Variants in SMARCA5 observed in about 807,000 individuals in gnomAD.
The protein encoded by SMARCA5 is SWI/SNF-related matrix-associated actin-dependent regulator of chromatin subfamily A member 5.
Under a neutral mutation model 140.4 loss-of-function variants are expected in SMARCA5, and 18 were observed. That is an observed-to-expected ratio of 0.13 (90% CI 0.09 to 0.19). The LOEUF (loss-of-function observed/expected upper bound fraction) is 0.19. Among genes scored for constraint, SMARCA5 ranks in the 10% least tolerant of loss-of-function variants. The probability of loss-of-function intolerance (pLI) is 1.00; values close to 1 mark genes in which losing one functional copy is unlikely to be tolerated. For synonymous variants in SMARCA5, 449 were observed against 419.6 expected, an observed-to-expected ratio of 1.07 and a Z score of -0.86; for missense variants, 606 against 1,276.8, an observed-to-expected ratio of 0.47 and a Z score of 8.01.
At position 143,519,695 on chromosome 4, in the gene SMARCA5, C is replaced by T. The variant is rs77739200; in HGVS notation, c.253-1734C>T. ...ACCATAGATAAGTTCACTATCCACT[C>T]CTCGTTCTTGAACCCAGAATGCTGA... On this transcript the variant is annotated intron_variant, in intron 2 of 23. Coordinates refer to ENST00000283131, the MANE Select transcript of SMARCA5 (RefSeq NM_003601.4). Among the ~76,000 whole-genome samples, 1,398 of 152,244 alleles carry T rather than the reference C, an allele frequency of 9.2e-3. 5 individuals carry two copies. Among genetic ancestry groups the T allele is most frequent in the Non-Finnish European group, 0.014 (979 of 67,988 alleles).
chr4:143,553,005 C>A (rs1389437283), intron 23 of SMARCA5, 114 bp from the exon 24 acceptor site: 1 of 750,210 alleles, frequency 1.3e-6, no homozygotes, highest in Non-Finnish European at 2.3e-6. Context: ...GGGGAAAAGT[C>A]TCATACCTAT....
In SMARCA5 at chr4:143,526,479, A is replaced by G; in HGVS notation, c.801+19A>G. 2 of 1,541,476 alleles carry G rather than the reference A, an allele frequency of 1.3e-6. No individual in the cohort carries two copies. The highest frequency in any genetic ancestry group is 1.8e-6 in the Non-Finnish European group (2 of 1,122,238). On this transcript the variant is annotated intron_variant, in intron 6 of 23. Coordinates refer to ENST00000283131, the MANE Select transcript of SMARCA5 (RefSeq NM_003601.4). ...ACAAAGAGTAAGTTTCTAGTATTTC[A>G]TTACATTTTTGAGGCTAAAATAATT...
At position 143,555,513 on chromosome 4, in the gene SMARCA5, C is replaced by T; in HGVS notation, c.*2329C>T. The T allele has an allele frequency of 2.3e-6, 1 of 436,290 alleles. No individual in the cohort carries two copies. The highest frequency in any genetic ancestry group is 2.3e-5 in the South Asian group (1 of 42,998). 27.0% of individuals were successfully genotyped at this position (436,290 alleles called of 1,614,324 possible). A position where few individuals can be genotyped will look rare whatever the true frequency, so the allele number is the denominator to read the frequency against. ...CAGTGTAGATTGTTTTGTTTTGTAC[C>T]CATGCTGTTGATTGCTAAATGTTTT... On this transcript the variant is annotated 3_prime_UTR_variant, in exon 24 of 24. Coordinates refer to ENST00000283131, the MANE Select transcript of SMARCA5 (RefSeq NM_003601.4).
rs1737778146 is a variant in SMARCA5, at chr4:143,557,224, C to T, written c.*4040C>T. On this transcript the variant is annotated 3_prime_UTR_variant, in exon 24 of 24. Transcript: ENST00000283131. The stretch of plus-strand genomic sequence containing the variant: ...GACACCAATATTTAATGTTGCATAT[C>T]ATGTATCTCCAGTACAAGAAGAAAG... 6.6e-6 allele frequency: 1 copy of T among 152,164 alleles called. No homozygotes were observed. The highest frequency in any genetic ancestry group is 2.1e-4 in the South Asian group (1 of 4,824). The allele number at this position is 152,164 out of a possible 1,614,324, so 9.4% of individuals were successfully genotyped here.
At chr4:143,536,727 G>T in intron 11 of SMARCA5, 49 bp downstream of exon 11, 5 of 1,311,642 alleles carry the variant, frequency 3.8e-6, no homozygotes, top group African/African-American at 1.5e-5. Context: ...AAATGCTCAT[G>T]TTAAAACAAA....
At chr4:143,516,560 A>G (rs1028451400) in intron 1 of SMARCA5, among the ~76,000 whole-genome samples, 1 of 152,208 alleles carries the variant, frequency 6.6e-6, no homozygotes, top group Non-Finnish European at 1.5e-5. Flanking sequence ...GGGTCACACA[A>G]GTGCCAAGGG....
chr4:143,527,901 G>C lies in SMARCA5; in HGVS notation c.835G>C (p.Glu279Gln), dbSNP rs1208741601. ...TGTCAGAGACGTTTTATTACCGGGA[G>C]AATGGGATGTATGTGTAACATCTTA... ...AFVRDVLLPGEWDVCVTSYEM... is the reference protein window; with the variant it reads ...AFVRDVLLPGQWDVCVTSYEM... Residue 279 changes from glutamate (E) to glutamine (Q), a missense_variant, in exon 7 of 24, where the codon GAA (glutamate) becomes CAA (glutamine). Physicochemically the swap from Glu to Gln is conservative, Grantham distance 29 (BLOSUM62 2). This residue lies in a region of SMARCA5 where 110 missense variants were observed against 287.7 expected (regional missense o/e 0.38). Coordinates refer to ENST00000283131, the MANE Select transcript of SMARCA5 (RefSeq NM_003601.4). 1 of 1,593,368 alleles carries C rather than the reference G, an allele frequency of 6.3e-7. No homozygotes were observed. Among genetic ancestry groups the C allele is most frequent in the Non-Finnish European group, 8.5e-7 (1 of 1,174,972 alleles).
In SMARCA5 at chr4:143,527,466, T is replaced by C. The variant is rs539581895; in HGVS notation, c.802-402T>C. ...AATAATACTATTAGGAATGTGTTAA[T>C]ACATTTATAAACCTGAAAGGAATGC... On this transcript the variant is annotated intron_variant, in intron 6 of 23. Coordinates refer to ENST00000283131, the MANE Select transcript of SMARCA5 (RefSeq NM_003601.4). Among the ~76,000 whole-genome samples the C allele has an allele frequency of 2.6e-5, 4 of 152,344 alleles. No individual in the cohort carries two copies. The East Asian group carries it at 5.8e-4, about 22-fold the overall frequency.
rs750888422 is a variant in SMARCA5 at position 143,544,794 on chromosome 4, G to A, written c.2230G>A (p.Val744Ile). The A allele has an allele frequency of 3.1e-6, 5 of 1,613,190 alleles. No individual in the cohort carries two copies. The highest frequency in any genetic ancestry group is 1.7e-5 in the Admixed American group (1 of 59,966). Residue 744 changes from valine (V) to isoleucine (I), a missense_variant, in exon 17 of 24, where the codon GTT (valine) becomes ATT (isoleucine). By Grantham distance (29) the Val-to-Ile change is conservative (BLOSUM62 3). This residue lies in a region of SMARCA5 where 62 missense variants were observed against 256.6 expected (regional missense o/e 0.24). Transcript: ENST00000283131. ...ACGAGAAAGAAAAGCCAACTATGCC[G>A]TTGATGCATATTTCAGGGAAGCTCT... ...PKRERKANYA[V>I]DAYFREALRV... is the part of the protein sequence containing the mutation.
intron 3 of SMARCA5, among the ~76,000 whole-genome samples, chr4:143,524,108 T>C (rs1361457879): frequency 6.6e-6 from 1 of 152,178 alleles, no homozygotes; most frequent in East Asian, 1.9e-4. Flanking sequence ...TTCTTGAAAT[T>C]TGACTATCAT....
chr4:143,554,890 G>C lies in SMARCA5; in HGVS notation c.*1706G>C. On this transcript the variant is annotated 3_prime_UTR_variant, in exon 24 of 24. Transcript: ENST00000283131. ...GGAAATGCAAAATGAATCAAGTATA[G>C]TGGTAGCCCTGAGAGCTTAGGGACT... 1 of 298,914 alleles carries C rather than the reference G, an allele frequency of 3.3e-6. No individual in the cohort carries two copies. The highest frequency in any genetic ancestry group is 3.4e-5 in the South Asian group (1 of 29,230). The allele number at this position is 298,914 out of a possible 1,614,324, so 18.5% of individuals were successfully genotyped here.
intron 6 of SMARCA5, among the ~76,000 whole-genome samples, chr4:143,527,500 A>G (rs1387357079): frequency 6.6e-6 from 1 of 152,198 alleles, no homozygotes; most frequent in African/African-American, 2.4e-5. Context: ...GCAGATGCCT[A>G]CTACTGCTAA....
At chr4:143,540,263 AT>A (rs774002513) in intron 13 of SMARCA5, 99 bp from the exon 14 acceptor site, 3 of 901,194 alleles carry the variant, frequency 3.3e-6, no homozygotes, top group Non-Finnish European at 4.8e-6. Flanking sequence ...TAAAAGTTTT[AT>A]ATTTCAGAAT....
chr4:143,518,656 G>A (rs1431451505), intron 2 of SMARCA5, among the ~76,000 whole-genome samples: 2 of 151,786 alleles, frequency 1.3e-5, no homozygotes, highest in African/African-American at 2.4e-5. Flanking sequence ...TGTATAATAT[G>A]CACAATACAT....
Position 143,514,225 on chromosome 4 carries a change from C to T in SMARCA5, c.177+124C>T, listed in dbSNP as rs1258329163. On this transcript the variant is annotated intron_variant, in intron 1 of 23. Coordinates refer to ENST00000283131, the MANE Select transcript of SMARCA5 (RefSeq NM_003601.4). ...CTCTGCACCAGACTCAGCTTCACAC[C>T]CTGTGGATACGAAATGATGCTCTCA... The T allele has an allele frequency of 1.3e-5, 11 of 852,464 alleles. No homozygotes were observed. The Admixed American group carries it at 2.4e-4, about 19-fold the overall frequency. 52.8% of individuals were successfully genotyped at this position (852,464 alleles called of 1,614,324 possible). A position where few individuals can be genotyped will look rare whatever the true frequency, so the allele number is the denominator to read the frequency against.
chr4:143,528,810 A>G, intron 8 of SMARCA5, 96 bp downstream of exon 8: 1 of 1,041,014 alleles, frequency 9.6e-7, no homozygotes, highest in South Asian at 1.8e-5. Context: ...GCATGGCTTG[A>G]GGTTATTATT....
intron 14 of SMARCA5, among the ~76,000 whole-genome samples, chr4:143,542,766 C>T (rs1737456488): frequency 1.3e-5 from 2 of 152,106 alleles, no homozygotes; most frequent in Admixed American, 1.3e-4. Flanking sequence ...GTCCAAACTC[C>T]TGCCAACTGA....
At chr4:143,538,477 A>T (rs1012043991) in intron 11 of SMARCA5, 113 bp from the exon 12 acceptor site, 1 of 843,542 alleles carries the variant, frequency 1.2e-6, no homozygotes, top group Non-Finnish European at 1.9e-6. Context: ...TCCCCCTTGT[A>T]ACCAAGTAGG....
In SMARCA5 at chr4:143,557,248, A is replaced by G. The variant is rs991160767; in HGVS notation, c.*4064A>G. ...TCATGTATCTCCAGTACAAGAAGAA[A>G]GTTTATCAGAATTTAGTTAATGTTG... is the stretch of plus-strand genomic sequence containing the variant. On this transcript the variant is annotated 3_prime_UTR_variant, in exon 24 of 24. Coordinates refer to ENST00000283131, the MANE Select transcript of SMARCA5 (RefSeq NM_003601.4). 2.6e-5 allele frequency: 4 copies of G among 152,218 alleles called. No individual in the cohort carries two copies. Among genetic ancestry groups the G allele is most frequent in the African/African-American group, 9.7e-5 (4 of 41,446 alleles). The allele number at this position is 152,218 out of a possible 1,614,324, so 9.4% of individuals were successfully genotyped here.
Sources: gnomAD v4.1 joint callset for allele counts (sites outside exome capture counted in the v4.1 genomes callset) on GRCh38, gnomAD v4.1.1 for gene constraint, gnomAD v4.1.1 regional missense constraint, MANE v1.5 for transcripts, NCBI Gene and HGNC (gene_info 2026-07-23, HGNC 2026-07-21) for gene names.